Variants in TMEM267 observed in about 807,000 individuals in gnomAD.
The protein encoded by TMEM267 is transmembrane protein C5orf28.
TMEM267 carries 20 observed loss-of-function variants against 19.3 expected under a neutral mutation model. The observed-to-expected ratio is 1.04, with a 90% CI of 0.73 to 1.51. The LOEUF (loss-of-function observed/expected upper bound fraction) is 1.51. Among genes scored for constraint, TMEM267 ranks in the 40% most tolerant of loss-of-function variants. The pLI is 0.00. For synonymous variants in TMEM267, 88 were observed against 90.3 expected (o/e 0.97, Z 0.15); for missense variants, 242 against 261.9 (o/e 0.92, Z 0.52).
chr5:43,475,550 G>C (rs1467257043), intron 1 of TMEM267, among the ~76,000 whole-genome samples: 1 of 151,970 alleles, frequency 6.6e-6, no homozygotes, highest in East Asian at 1.9e-4. Context: ...AAACAGTATA[G>C]CTATTATAAC....
intron 1 of TMEM267, among the ~76,000 whole-genome samples, chr5:43,469,045 A>G (rs1337458128): frequency 1.3e-5 from 2 of 152,232 alleles, no homozygotes; most frequent in Non-Finnish European, 2.9e-5. Context: ...AACATAATAT[A>G]TCAAAACCTA....
intron 2 of TMEM267, among the ~76,000 whole-genome samples, chr5:43,451,608 G>A (rs1742592743): frequency 6.6e-6 from 1 of 152,138 alleles, no homozygotes; most frequent in South Asian, 2.1e-4. Context: ...ACAGATGTTG[G>A]CAAGGATGCA....
intron 1 of TMEM267, among the ~76,000 whole-genome samples, chr5:43,458,516 A>G (rs1343728442): frequency 6.6e-6 from 1 of 152,236 alleles, no homozygotes; most frequent in Non-Finnish European, 1.5e-5. Context: ...TGAAGACAGT[A>G]GAGGCAGGAA....
intron 2 of TMEM267, among the ~76,000 whole-genome samples, chr5:43,450,367 A>G (rs1343232487): frequency 1.3e-5 from 2 of 152,216 alleles, no homozygotes; most frequent in African/African-American, 4.8e-5. Flanking sequence ...AGAAGTAAAA[A>G]TAGATCACTG....
At chr5:43,452,435 C>G (rs1259293195) in intron 2 of TMEM267, among the ~76,000 whole-genome samples, 1 of 152,056 alleles carries the variant, frequency 6.6e-6, no homozygotes, top group East Asian at 1.9e-4. Context: ...ATAACAGACA[C>G]TGGAGACTCC....
chr5:43,477,196 A>G (rs752918388), intron 1 of TMEM267, among the ~76,000 whole-genome samples: 6 of 151,974 alleles, frequency 3.9e-5, no homozygotes, highest in Non-Finnish European at 8.8e-5. Flanking sequence ...TGTCTGAAAA[A>G]CAACAACAAC....
intron 1 of TMEM267, among the ~76,000 whole-genome samples, chr5:43,474,477 T>C (rs1220310806): frequency 6.6e-6 from 1 of 152,096 alleles, no homozygotes; most frequent in African/African-American, 2.4e-5. Context: ...AAAGAAGACA[T>C]TTGCCAGGCG....
At chr5:43,460,509 G>A (rs1743197657) in intron 1 of TMEM267, among the ~76,000 whole-genome samples, 1 of 151,854 alleles carries the variant, frequency 6.6e-6, no homozygotes, top group Non-Finnish European at 1.5e-5. Flanking sequence ...CATAGTACCT[G>A]GTTTTAACTT....
chr5:43,454,178 A>T, intron 1 of TMEM267, 135 bp from the exon 2 acceptor site: 1 of 522,974 alleles, frequency 1.9e-6, no homozygotes, highest in African/African-American at 1.9e-5. Flanking sequence ...CATGTTATAT[A>T]TAATATGTCA....
intron 1 of TMEM267, among the ~76,000 whole-genome samples, chr5:43,477,880 T>C (rs1744523088): frequency 6.6e-6 from 1 of 152,226 alleles, no homozygotes; most frequent in Non-Finnish European, 1.5e-5. Flanking sequence ...TATGTGGCCT[T>C]TTCAGTATAT....
At chr5:43,451,170 T>C (rs772506982) in intron 2 of TMEM267, among the ~76,000 whole-genome samples, 2 of 152,166 alleles carry the variant, frequency 1.3e-5, no homozygotes, top group Non-Finnish European at 2.9e-5. Flanking sequence ...TTATCATGCT[T>C]ATTTAATCCT....
chr5:43,476,946 C>T (rs1744462018), intron 1 of TMEM267, among the ~76,000 whole-genome samples: 2 of 150,034 alleles, frequency 1.3e-5, no homozygotes, highest in South Asian at 4.2e-4. Flanking sequence ...AATCCCAGCA[C>T]TTTGGGAGGC....
intron 1 of TMEM267, among the ~76,000 whole-genome samples, chr5:43,467,982 G>A (rs949493461): frequency 6.6e-5 from 10 of 152,060 alleles, no homozygotes; most frequent in Non-Finnish European, 1.0e-4. Flanking sequence ...TTGTACCTGA[G>A]CGAGTTAGAA....
At position 43,446,310 on chromosome 5, in the gene TMEM267, G is replaced by A. The variant is rs373129040; in HGVS notation, c.560C>T (p.Ser187Phe). 9.9e-6 allele frequency: 16 copies of A among 1,613,650 alleles called. No homozygotes were observed. The highest frequency in any genetic ancestry group is 1.2e-5 in the Non-Finnish European group (14 of 1,179,658). ...PFWLYVIITS[S>F]LPHICSFVMY... Reference sequence around the variant, plus strand: ...AACGAATGAACAGATGTGAGGTAAAGATGATGTGATTATTACATAAAGCCA... The same window carrying A: ...AACGAATGAACAGATGTGAGGTAAAAATGATGTGATTATTACATAAAGCCA... Residue 187 changes from serine to phenylalanine, a missense_variant, in exon 3 of 3, where the codon TCT becomes TTT. Physicochemically the swap from Ser to Phe is radical, Grantham distance 155. Coordinates refer to ENST00000397080, the MANE Select transcript of TMEM267 (RefSeq NM_022483.5).
At chr5:43,484,182 C>G (rs1057451214), upstream of TMEM267, 4 of 152,292 alleles carry the variant, frequency 2.6e-5, no homozygotes, top group Admixed American at 2.0e-4. Flanking sequence ...GACATCCCCA[C>G]GACGCACCCA....
chr5:43,476,780 A>T (rs1364373265), intron 1 of TMEM267, among the ~76,000 whole-genome samples: 1 of 151,996 alleles, frequency 6.6e-6, no homozygotes, highest in African/African-American at 2.4e-5. Context: ...AAATGTGTAC[A>T]TAATTCTGAA....
At chr5:43,458,695 T>C (rs1412155867) in intron 1 of TMEM267, among the ~76,000 whole-genome samples, 2 of 152,098 alleles carry the variant, frequency 1.3e-5, no homozygotes, top group African/African-American at 4.8e-5. Flanking sequence ...CCAACAAAGA[T>C]GTTAAAAAGT....
intron 1 of TMEM267, among the ~76,000 whole-genome samples, chr5:43,472,685 C>G (rs1235698194): frequency 6.6e-6 from 1 of 151,960 alleles, no homozygotes; most frequent in Non-Finnish European, 1.5e-5. Context: ...TGAAATAAGC[C>G]AGACACAGAA....
intron 1 of TMEM267, among the ~76,000 whole-genome samples, chr5:43,470,573 C>T (rs924531407): frequency 6.6e-6 from 1 of 152,168 alleles, no homozygotes; most frequent in Non-Finnish European, 1.5e-5. Flanking sequence ...ACATCCTTAA[C>T]CTTGACAAAA....
Sources: gnomAD v4.1 joint callset for allele counts (sites outside exome capture counted in the v4.1 genomes callset) on GRCh38, gnomAD v4.1.1 for gene constraint, MANE v1.5 for transcripts, NCBI Gene and HGNC (gene_info 2026-07-23, HGNC 2026-07-21) for gene names.